Variants in HACD1 observed in about 807,000 individuals in gnomAD.
HACD1 encodes the protein 3-hydroxyacyl-CoA dehydratase 1, also known as very-long-chain (3R)-3-hydroxyacyl-CoA dehydratase 1.
Under a neutral mutation model 32.0 loss-of-function variants are expected in HACD1, and 41 were observed. That is an observed-to-expected ratio of 1.28 (90% CI 1.00 to 1.66). HACD1 has a LOEUF of 1.66. HACD1 is among the 40% of genes most tolerant of loss of function. The pLI is 0.00. For missense variants in HACD1, 396 were observed against 380.1 expected, an observed-to-expected ratio of 1.04 and a Z score of -0.35; for synonymous variants, 142 against 139.0, an observed-to-expected ratio of 1.02 and a Z score of -0.15.
chr10:17,604,414 G>T (rs1352771241), intron 1 of HACD1, among the ~76,000 whole-genome samples: 2 of 151,416 alleles, frequency 1.3e-5, no homozygotes, highest in Non-Finnish European at 2.9e-5. Flanking sequence ...AACCTGGGAG[G>T]CGGAGCTTGC....
chr10:17,600,826 A>G (rs1236175562), intron 4 of HACD1, among the ~76,000 whole-genome samples: 1 of 152,160 alleles, frequency 6.6e-6, no homozygotes, highest in Non-Finnish European at 1.5e-5. Context: ...GCTTCAAAGC[A>G]CTTAACACGT....
intron 1 of HACD1, among the ~76,000 whole-genome samples, chr10:17,611,899 G>A (rs1048016690): frequency 3.3e-5 from 5 of 151,810 alleles, no homozygotes; most frequent in Non-Finnish European, 7.4e-5. Context: ...CCCGGGAGGC[G>A]GAGCTTGCAG....
intron 5 of HACD1, among the ~76,000 whole-genome samples, chr10:17,596,936 G>A (rs184323584): frequency 1.3e-4 from 20 of 152,198 alleles, no homozygotes; most frequent in East Asian, 5.8e-4. Flanking sequence ...AGTTTTATTC[G>A]AGAATGACAG....
intron 1 of HACD1, among the ~76,000 whole-genome samples, chr10:17,612,040 AT>A (rs1157352313): frequency 1.5e-4 from 23 of 149,376 alleles, no homozygotes; most frequent in African/African-American, 4.9e-4. Context: ...CATGAGGCTA[AT>A]GCAGGAAGTC....
chr10:17,601,058 G>A (rs1834063254), intron 4 of HACD1, among the ~76,000 whole-genome samples: 1 of 149,354 alleles, frequency 6.7e-6, no homozygotes, highest in African/African-American at 2.5e-5. Context: ...TTTTGAGACA[G>A]AATCTCGCTC....
chr10:17,612,025 C>G (rs1832990579), intron 1 of HACD1, among the ~76,000 whole-genome samples: 1 of 148,482 alleles, frequency 6.7e-6, no homozygotes, highest in African/African-American at 2.5e-5. Context: ...GTAATCCCAG[C>G]TACTCATGAG....
intron 5 of HACD1, among the ~76,000 whole-genome samples, chr10:17,594,779 C>T (rs1051484442): frequency 7.9e-5 from 12 of 152,056 alleles, no homozygotes; most frequent in Admixed American, 7.2e-4. Context: ...TCAAGTAATT[C>T]TCCTGCCTCA....
At chr10:17,606,847 C>G (rs1834155322) in intron 1 of HACD1, among the ~76,000 whole-genome samples, 1 of 152,114 alleles carries the variant, frequency 6.6e-6, no homozygotes, top group South Asian at 2.1e-4. Flanking sequence ...GTCTTAGACA[C>G]TGTTTTCAAT....
chr10:17,600,935 G>A lies in HACD1; in HGVS notation c.484-1524C>T, dbSNP rs1460721610. On this transcript the variant is annotated intron_variant, in intron 4 of 6. Coordinates refer to ENST00000361271, the MANE Select transcript of HACD1 (RefSeq NM_014241.4). ...AACAGCCATATCCCAGCACACTGCC[G>A]GGCACAGATGAGGTGCATGATTAGC... Among the ~76,000 whole-genome samples, 7 of 152,186 alleles carry A rather than the reference G, an allele frequency of 4.6e-5. No homozygotes were observed. In the East Asian group the frequency reaches 7.7e-4, roughly 17 times the overall value.
At position 17,590,003 on chromosome 10, in the gene HACD1, A is replaced by C. The variant is rs1554815420; in HGVS notation, c.*361T>G. ...ATTTTCATTTATAAATATCACATAA[A>C]TATCACTAGCAGGTATAATAGTAAA... On this transcript the variant is annotated 3_prime_UTR_variant, in exon 7 of 7. Coordinates refer to ENST00000361271, the MANE Select transcript of HACD1 (RefSeq NM_014241.4). The C allele has an allele frequency of 6.5e-6, 1 of 155,000 alleles. No homozygotes were observed. Among genetic ancestry groups the C allele is most frequent in the African/African-American group, 2.4e-5 (1 of 41,588 alleles). The allele number at this position is 155,000 out of a possible 1,614,324, so 9.6% of individuals were successfully genotyped here.
chr10:17,608,180 T>C (rs1834175600), intron 1 of HACD1, among the ~76,000 whole-genome samples: 1 of 151,996 alleles, frequency 6.6e-6, no homozygotes, highest in African/African-American at 2.4e-5. Flanking sequence ...TGGCTCATTA[T>C]TGTTCTTGCT....
chr10:17,595,492 C>A (rs1833984423), intron 5 of HACD1, among the ~76,000 whole-genome samples: 4 of 152,088 alleles, frequency 2.6e-5, no homozygotes, highest in African/African-American at 7.2e-5. Context: ...TTCCTGAATT[C>A]CCACATTAAA....
At chr10:17,598,014 C>G (rs781958994) in intron 5 of HACD1, among the ~76,000 whole-genome samples, 1 of 151,458 alleles carries the variant, frequency 6.6e-6, no homozygotes. Flanking sequence ...AATCCTAGCA[C>G]TTAGGGAGGC....
intron 1 of HACD1, among the ~76,000 whole-genome samples, chr10:17,612,123 A>C (rs55735514): frequency 2.4e-5 from 3 of 123,524 alleles, no homozygotes; most frequent in Non-Finnish European, 3.5e-5. Context: ...AAAAAAAAAA[A>C]AAAAAAACCC....
chr10:17,599,104 C>A, intron 5 of HACD1, 186 bp downstream of exon 5: 2 of 1,068,384 alleles, frequency 1.9e-6, no homozygotes, highest in African/African-American at 1.6e-5. Flanking sequence ...AATACGATTC[C>A]TCTCTCATCA....
In HACD1 at chr10:17,617,257, G is replaced by T; in HGVS notation, c.83C>A (p.Pro28Gln). Residue 28 changes from proline to glutamine, a missense_variant, in exon 1 of 7, where the codon CCG (proline) becomes CAG (glutamine). Transcript: ENST00000361271. Reference sequence around the variant, plus strand: ...GCACCTGGGGGACGTGGGAGACAGCGGCAGGAGCGTGGGAGGGGACCCTGC... The same window carrying T: ...GCACCTGGGGGACGTGGGAGACAGCTGCAGGAGCGTGGGAGGGGACCCTGC... The part of the protein sequence containing the change: ...GWAGSPPTLL[P>Q]LSPTSPRCAA... 6.8e-7 allele frequency: 1 copy of T among 1,476,642 alleles called. No individual in the cohort carries two copies. The highest frequency in any genetic ancestry group is 8.9e-7 in the Non-Finnish European group (1 of 1,119,586). The allele number at this position is 1,476,642 out of a possible 1,614,324, so 91.5% of individuals were successfully genotyped here. A position where few individuals can be genotyped will look rare whatever the true frequency, so the allele number is the denominator to read the frequency against.
At chr10:17,599,706 T>C (rs1456537839) in intron 4 of HACD1, among the ~76,000 whole-genome samples, 3 of 152,188 alleles carry the variant, frequency 2.0e-5, no homozygotes, top group African/African-American at 7.2e-5. Context: ...AACCAAAATC[T>C]GACCCTCCTA....
At chr10:17,615,942 T>C (rs1554817999) in intron 1 of HACD1, 2 of 322,602 alleles carry the variant, frequency 6.2e-6, no homozygotes, top group Non-Finnish European at 1.3e-5. Context: ...CACTCCAGCC[T>C]GGGCGACAGA....
intron 5 of HACD1, among the ~76,000 whole-genome samples, chr10:17,597,358 G>C (rs1156961449): frequency 6.6e-6 from 1 of 152,132 alleles, no homozygotes; most frequent in Non-Finnish European, 1.5e-5. Context: ...GGCTGATCTG[G>C]AACTCCTGAC....
Sources: allele counts gnomAD v4.1 joint callset (sites outside exome capture counted in the v4.1 genomes callset), GRCh38; gene constraint gnomAD v4.1.1; transcripts MANE v1.5; gene names NCBI Gene and HGNC (gene_info 2026-07-23, HGNC 2026-07-21).